The following KLHDC10 variants were observed in gnomAD, a reference collection of about 807,000 sequenced individuals.
The protein encoded by KLHDC10 is kelch domain-containing protein 10.
Under a neutral mutation model 56.1 loss-of-function variants are expected in KLHDC10, and 24 were observed. The observed-to-expected ratio is 0.43, with a 90% CI of 0.31 to 0.60. The LOEUF (loss-of-function observed/expected upper bound fraction) is 0.60. Ranked by LOEUF, KLHDC10 falls within the 20% of genes least tolerant of loss-of-function variation. KLHDC10 has a pLI of 0.11. For synonymous variants in KLHDC10, 188 were observed against 207.1 expected, an observed-to-expected ratio of 0.91 and a Z score of 0.79; for missense variants, 349 against 567.0, an observed-to-expected ratio of 0.62 and a Z score of 3.91.
intron 1 of KLHDC10, among the ~76,000 whole-genome samples, chr7:130,093,428 G>T (rs1016488692): frequency 6.6e-6 from 1 of 152,066 alleles, no homozygotes; most frequent in Non-Finnish European, 1.5e-5. Flanking sequence ...GTTTCACCAT[G>T]TTGGCCAGGC....
intron 5 of KLHDC10, among the ~76,000 whole-genome samples, chr7:130,123,204 G>A (rs745482310): frequency 1.2e-4 from 18 of 152,116 alleles, no homozygotes; most frequent in Non-Finnish European, 2.4e-4. Flanking sequence ...GTGGCTGGGC[G>A]CAGCCTGTAA....
intron 2 of KLHDC10, among the ~76,000 whole-genome samples, chr7:130,098,955 C>A (rs1795891599): frequency 6.6e-6 from 1 of 152,138 alleles, no homozygotes; most frequent in African/African-American, 2.4e-5. Context: ...AGAAAGGTGG[C>A]CCCTGGCAGT....
rs748368052 is a variant in KLHDC10, at chr7:130,130,129, A to T, written c.1120-408A>T. Among the ~76,000 whole-genome samples, 1 of 151,902 alleles carries T rather than the reference A, an allele frequency of 6.6e-6. No individual in the cohort carries two copies. The highest frequency in any genetic ancestry group is 1.5e-5 in the Non-Finnish European group (1 of 67,970). On this transcript the variant is annotated intron_variant, in intron 9 of 9. Coordinates refer to ENST00000335420, the MANE Select transcript of KLHDC10 (RefSeq NM_014997.4). The surrounding 1 kb of genome is among the most constrained non-coding windows in gnomAD (Gnocchi z 4.2). Reference sequence around the variant, plus strand: ...CAGGAGATTGAGACCATCCTGGCTAACACGGATGAAACCCCATCTCTACTA... The same window carrying T: ...CAGGAGATTGAGACCATCCTGGCTATCACGGATGAAACCCCATCTCTACTA...
At position 130,116,031 on chromosome 7, in the gene KLHDC10, C is replaced by A. The variant is rs1473561131; in HGVS notation, c.254-414C>A. 6.6e-6 allele frequency among the ~76,000 whole-genome samples: 1 copy of A among 152,002 alleles called. No individual in the cohort carries two copies. Among genetic ancestry groups the A allele is most frequent in the Admixed American group, 6.5e-5 (1 of 15,268 alleles). Reference sequence around the variant, plus strand: ...TATTCGTGATTATATTTATTTAGTTCTCTAATATTCACAGTTTAATTTAGT... The same window carrying A: ...TATTCGTGATTATATTTATTTAGTTATCTAATATTCACAGTTTAATTTAGT... On this transcript the variant is annotated intron_variant, in intron 2 of 9. Coordinates refer to ENST00000335420, the MANE Select transcript of KLHDC10 (RefSeq NM_014997.4). This position sits in a 1 kb window ranked among gnomAD's most constrained non-coding sequence, Gnocchi z 4.8.
At chr7:130,114,774 G>T (rs1456180266) in intron 2 of KLHDC10, among the ~76,000 whole-genome samples, 5 of 152,064 alleles carry the variant, frequency 3.3e-5, no homozygotes, top group African/African-American at 1.2e-4. Context: ...TTGATGAAAA[G>T]GGTGGTGTGC....
chr7:130,103,917 C>T (rs1056390038), intron 2 of KLHDC10, among the ~76,000 whole-genome samples: 1 of 151,658 alleles, frequency 6.6e-6, no homozygotes, highest in African/African-American at 2.4e-5. Flanking sequence ...ATGAAATCCC[C>T]CCTCTACTAA....
chr7:130,084,645 C>T (rs1212544580), intron 1 of KLHDC10, among the ~76,000 whole-genome samples: 4 of 151,994 alleles, frequency 2.6e-5, no homozygotes, highest in African/African-American at 4.8e-5. Flanking sequence ...GGCGTGGTGG[C>T]GCGTGCCATT....
At chr7:130,081,568 C>T (rs1795608115) in intron 1 of KLHDC10, among the ~76,000 whole-genome samples, 1 of 152,166 alleles carries the variant, frequency 6.6e-6, no homozygotes, top group African/African-American at 2.4e-5. Context: ...GTCCACCTGC[C>T]TCGGCCTCCC....
chr7:130,126,668 T>C (rs1796320047), intron 7 of KLHDC10, among the ~76,000 whole-genome samples: 1 of 151,688 alleles, frequency 6.6e-6, no homozygotes, highest in Non-Finnish European at 1.5e-5. Flanking sequence ...AGAGCAAGAC[T>C]CTGTCAAAAA....
intron 1 of KLHDC10, among the ~76,000 whole-genome samples, chr7:130,085,687 C>A (rs559406732): frequency 1.3e-5 from 2 of 150,628 alleles, no homozygotes; most frequent in African/African-American, 2.4e-5. Flanking sequence ...ATACAAAAAA[C>A]GCCGGGCGTG....
intron 2 of KLHDC10, among the ~76,000 whole-genome samples, chr7:130,107,147 C>T (rs906921262): frequency 6.6e-6 from 1 of 152,048 alleles, no homozygotes; most frequent in African/African-American, 2.4e-5. Context: ...TAATACATAA[C>T]GGCATAACCT....
At chr7:130,074,618 TC>T (rs1213890594) in intron 1 of KLHDC10, among the ~76,000 whole-genome samples, 3 of 148,808 alleles carry the variant, frequency 2.0e-5, no homozygotes, top group African/African-American at 5.1e-5. Flanking sequence ...AGGTTCTCTC[TC>T]TTTTTTTTTT....
At position 130,135,384 on chromosome 7, in the gene KLHDC10, G is replaced by A. The variant is rs1476034319; in HGVS notation, c.*4638G>A. ...TCATGGAAGAACCTAGGCAAGAAAG[G>A]AAGCCTCTTTCTGAGACACAGTCTC... is the stretch of plus-strand genomic sequence containing the variant. On this transcript the variant is annotated 3_prime_UTR_variant, in exon 10 of 10. Coordinates refer to ENST00000335420, the MANE Select transcript of KLHDC10 (RefSeq NM_014997.4). 1.3e-5 allele frequency: 2 copies of A among 154,356 alleles called. No homozygotes were observed. Among genetic ancestry groups the A allele is most frequent in the Non-Finnish European group, 2.9e-5 (2 of 68,194 alleles). 9.6% of individuals were successfully genotyped at this position (154,356 alleles called of 1,614,324 possible).
intron 1 of KLHDC10, among the ~76,000 whole-genome samples, chr7:130,091,895 CTT>C (rs1795778361): frequency 6.6e-6 from 1 of 152,152 alleles, no homozygotes. Flanking sequence ...AGGAAGCAAA[CTT>C]TTTGGGCCCT....
At chr7:130,077,801 G>A (rs1042984457) in intron 1 of KLHDC10, among the ~76,000 whole-genome samples, 3 of 151,492 alleles carry the variant, frequency 2.0e-5, no homozygotes, top group Non-Finnish European at 4.4e-5. Context: ...GTGATCCACC[G>A]GCCTCGGCCT....
At chr7:130,089,754 A>G (rs941666517) in intron 1 of KLHDC10, among the ~76,000 whole-genome samples, 4 of 152,150 alleles carry the variant, frequency 2.6e-5, no homozygotes, top group Non-Finnish European at 2.9e-5. Context: ...GATTCCAAAT[A>G]CAGTATTAAT....
chr7:130,102,483 G>A (rs976642550), intron 2 of KLHDC10, among the ~76,000 whole-genome samples: 3 of 152,128 alleles, frequency 2.0e-5, no homozygotes, highest in East Asian at 1.9e-4. Context: ...ATCACAGAAT[G>A]TATCTTTACA....
intron 5 of KLHDC10, among the ~76,000 whole-genome samples, chr7:130,123,032 G>T (rs977705015): frequency 2.0e-5 from 3 of 152,034 alleles, no homozygotes; most frequent in Non-Finnish European, 4.4e-5. Flanking sequence ...TGGATGGATG[G>T]ATGGATGGAT....
chr7:130,070,703 TG>T lies in KLHDC10; in HGVS notation c.62del (p.Gly21ValfsTer56). 1 of 1,281,194 alleles carries T rather than the reference TG, an allele frequency of 7.8e-7. No homozygotes were observed. Among genetic ancestry groups the T allele is most frequent in the Non-Finnish European group, 9.9e-7 (1 of 1,009,304 alleles). 79.4% of individuals were successfully genotyped at this position (1,281,194 alleles called of 1,614,324 possible). ...GGAGGGGAGGAGGCGCCGCCGGCGC[TG>T]GTGGCGGAGGTAGCGGGGCCGGCGG... ...RRRGGGAAGAGGGGSGAGGGS... is the reference protein window; with the variant it reads ...RRRGGGAAGAXGGGSGAGGGS... On this transcript the variant is annotated frameshift_variant, in exon 1 of 10. Transcript: ENST00000335420. LOFTEE classifies it high-confidence loss of function.
Sources: gnomAD v4.1 joint callset for allele counts (sites outside exome capture counted in the v4.1 genomes callset) on GRCh38, gnomAD v4.1.1 for gene constraint, Gnocchi (gnomAD v3.1) non-coding constraint, MANE v1.5 for transcripts, NCBI Gene and HGNC (gene_info 2026-07-23, HGNC 2026-07-21) for gene names.